Variants in CIB4 observed in about 807,000 individuals in gnomAD.
CIB4 encodes the protein calcium and integrin-binding family member 4.
A neutral mutation model predicts 25.8 loss-of-function variants in CIB4; 25 were observed. The ratio of observed to expected loss-of-function variants is 0.97; its 90% CI spans 0.71 to 1.35. The LOEUF is 1.35. Among genes scored for constraint, CIB4 ranks in the 40% most tolerant of loss-of-function variants. CIB4 has a pLI of 0.00. For synonymous variants in CIB4, 75 were observed against 81.4 expected (o/e 0.92, Z 0.42); for missense variants, 235 against 228.2 (o/e 1.03, Z -0.19).
chr2:26,617,259 G>C (rs1482472487), intron 3 of CIB4, among the ~76,000 whole-genome samples: 1 of 152,122 alleles, frequency 6.6e-6, no homozygotes, highest in Admixed American at 6.5e-5. Context: ...AGCCCCCTGT[G>C]TAACAGGAGC....
At chr2:26,591,535 A>G (rs562749703) in intron 4 of CIB4, among the ~76,000 whole-genome samples, 1 of 152,074 alleles carries the variant, frequency 6.6e-6, no homozygotes, top group Non-Finnish European at 1.5e-5. Flanking sequence ...CACTTCCACC[A>G]TGGGCTCCAT....
At chr2:26,596,270 G>C (rs572311286) in intron 3 of CIB4, among the ~76,000 whole-genome samples, 22 of 152,238 alleles carry the variant, frequency 1.4e-4, no homozygotes, top group Non-Finnish European at 1.3e-4. Context: ...CTCATCGAGG[G>C]GGGTGGCTGC....
intron 3 of CIB4, chr2:26,605,533 G>A (rs552926412): frequency 2.1e-6 from 1 of 471,018 alleles, no homozygotes; most frequent in South Asian, 1.5e-5. Context: ...CCCTTTCAGG[G>A]AAGGCTCTTC....
chr2:26,587,433 G>A (rs931063964), intron 4 of CIB4, among the ~76,000 whole-genome samples: 1 of 150,464 alleles, frequency 6.6e-6, no homozygotes, highest in African/African-American at 2.4e-5. Flanking sequence ...TGCTACCTGT[G>A]TTATACTGTC....
intron 3 of CIB4, among the ~76,000 whole-genome samples, chr2:26,602,659 C>G (rs1482637339): frequency 6.6e-6 from 1 of 152,114 alleles, no homozygotes; most frequent in Non-Finnish European, 1.5e-5. Flanking sequence ...TACCAAATAA[C>G]TTTACAGTGG....
At chr2:26,634,254 C>T (rs964895660) in intron 2 of CIB4, among the ~76,000 whole-genome samples, 1 of 152,190 alleles carries the variant, frequency 6.6e-6, no homozygotes, top group Admixed American at 6.5e-5. Context: ...CCCCACCCCA[C>T]GGGGTCAATA....
At chr2:26,586,763 T>A (rs939780877) in intron 4 of CIB4, among the ~76,000 whole-genome samples, 4 of 152,228 alleles carry the variant, frequency 2.6e-5, no homozygotes, top group African/African-American at 9.6e-5. Flanking sequence ...CAATCTTTCA[T>A]GGGCAGAGGA....
chr2:26,599,974 G>A (rs1332978241), intron 3 of CIB4, among the ~76,000 whole-genome samples: 1 of 144,538 alleles, frequency 6.9e-6, no homozygotes, highest in Non-Finnish European at 1.5e-5. Flanking sequence ...TCAGGAGGCT[G>A]AGGCAAGAGA....
chr2:26,609,816 T>C (rs929106674), intron 3 of CIB4, among the ~76,000 whole-genome samples: 2 of 152,202 alleles, frequency 1.3e-5, no homozygotes, highest in Non-Finnish European at 2.9e-5. Flanking sequence ...ACACAGTTTA[T>C]ACGTTTTCCC....
chr2:26,598,747 G>A (rs1668728942), intron 3 of CIB4, among the ~76,000 whole-genome samples: 1 of 152,144 alleles, frequency 6.6e-6, no homozygotes, highest in Admixed American at 6.5e-5. Flanking sequence ...CTGTCTCAAG[G>A]GATAGTTCAG....
chr2:26,633,038 A>G (rs11694958), intron 2 of CIB4, among the ~76,000 whole-genome samples: 79,260 of 151,996 alleles, frequency 0.52, 21,376 homozygotes, highest in Admixed American at 0.61. Context: ...GACATTCTGC[A>G]TGTTTCATGC....
chr2:26,592,884 T>C (rs1668610548), intron 4 of CIB4, among the ~76,000 whole-genome samples: 3 of 152,216 alleles, frequency 2.0e-5, no homozygotes, highest in Admixed American at 2.0e-4. Flanking sequence ...TGGGCATGAT[T>C]ATTGTGATGA....
In CIB4 at chr2:26,616,927, C is replaced by T. The variant is rs146773945; in HGVS notation, c.186+12483G>A. Reference sequence around the variant, plus strand: ...TTCATAACAGGGACAAAGGCTCAAACGATTGCCTCTAAAGGATTGGAAGGT... The same window carrying T: ...TTCATAACAGGGACAAAGGCTCAAATGATTGCCTCTAAAGGATTGGAAGGT... On this transcript the variant is annotated intron_variant, in intron 3 of 6. Transcript: ENST00000288861. 1.4e-4 allele frequency among the ~76,000 whole-genome samples: 22 copies of T among 152,200 alleles called. No individual in the cohort carries two copies. The East Asian group carries it at 2.9e-3, about 20-fold the overall frequency.
intron 3 of CIB4, among the ~76,000 whole-genome samples, chr2:26,614,065 G>A (rs1191777279): frequency 1.9e-4 from 29 of 152,222 alleles, no homozygotes; most frequent in Admixed American, 1.9e-3. Flanking sequence ...CAAAAACCCT[G>A]GGAACAGAGC....
At chr2:26,639,304 G>A (rs1330807077) in intron 2 of CIB4, among the ~76,000 whole-genome samples, 6 of 151,522 alleles carry the variant, frequency 4.0e-5, no homozygotes, top group Non-Finnish European at 8.8e-5. Flanking sequence ...CCATCAACCT[G>A]TCATCTACAT....
At chr2:26,593,419 CACA>C (rs1252778486) in intron 4 of CIB4, among the ~76,000 whole-genome samples, 20 of 152,036 alleles carry the variant, frequency 1.3e-4, no homozygotes, top group African/African-American at 4.6e-4. Context: ...TATATACACA[CACA>C]TATATATACA....
At chr2:26,621,185 G>A (rs1669197223) in intron 3 of CIB4, among the ~76,000 whole-genome samples, 1 of 147,738 alleles carries the variant, frequency 6.8e-6, no homozygotes, top group Non-Finnish European at 1.5e-5. Flanking sequence ...GAAAGGACTC[G>A]TGCCAACAAT....
chr2:26,635,143 G>A (rs376795294), intron 2 of CIB4, among the ~76,000 whole-genome samples: 5 of 152,232 alleles, frequency 3.3e-5, no homozygotes, highest in African/African-American at 4.8e-5. Context: ...ATGCTAGGGC[G>A]GAAAGGGACC....
Position 26,637,427 on chromosome 2 carries a change from TTTC to T in CIB4, c.89+3103_89+3105del, listed in dbSNP as rs1216572099. 1.1e-4 allele frequency among the ~76,000 whole-genome samples: 16 copies of T among 152,056 alleles called. No individual in the cohort carries two copies. In the East Asian group the frequency reaches 2.9e-3, roughly 28 times the overall value. On this transcript the variant is annotated intron_variant, in intron 2 of 6. Coordinates refer to ENST00000288861, the MANE Select transcript of CIB4 (RefSeq NM_001029881.3). Reference sequence around the variant, plus strand: ...TGTTCTCTTTGTCCTTATGGGTTTCTTTCTTCTTCTTTTTGTTTTTTTTAATTC... The same window carrying T: ...TGTTCTCTTTGTCCTTATGGGTTTCTTTCTTCTTTTTGTTTTTTTTAATTC...
Sources: gnomAD v4.1 joint callset for allele counts (sites outside exome capture counted in the v4.1 genomes callset) on GRCh38, gnomAD v4.1.1 for gene constraint, MANE v1.5 for transcripts, NCBI Gene and HGNC (gene_info 2026-07-23, HGNC 2026-07-21) for gene names.